Variants in NLGN1 observed in about 807,000 individuals in gnomAD.
The protein encoded by NLGN1 is neuroligin 1.
In NLGN1, 12 loss-of-function variants were observed where a neutral mutation model predicts 65.5. That is an observed-to-expected ratio of 0.18 (90% CI 0.12 to 0.30). NLGN1 has a LOEUF of 0.30. Among genes scored for constraint, NLGN1 ranks in the 10% least tolerant of loss-of-function variants. NLGN1 has a pLI of 1.00. For missense variants in NLGN1, 750 were observed against 1,007.1 expected, an observed-to-expected ratio of 0.74 and a Z score of 3.46; for synonymous variants, 350 against 359.5, an observed-to-expected ratio of 0.97 and a Z score of 0.30.
intron 2 of NLGN1, among the ~76,000 whole-genome samples, chr3:173,592,108 C>T (rs1245203347): frequency 6.6e-6 from 1 of 151,852 alleles, no homozygotes; most frequent in African/African-American, 2.4e-5. Context: ...TTGATTTTTG[C>T]CCCTCTTGCC....
chr3:173,874,847 T>C (rs1731823896), intron 4 of NLGN1, among the ~76,000 whole-genome samples: 1 of 152,160 alleles, frequency 6.6e-6, no homozygotes, highest in African/African-American at 2.4e-5. Flanking sequence ...ACTAGTGGTA[T>C]GTATTTGCAA....
At chr3:173,894,823 G>A (rs964598515) in intron 4 of NLGN1, among the ~76,000 whole-genome samples, 3 of 151,270 alleles carry the variant, frequency 2.0e-5, no homozygotes. Context: ...TTTTAGTAGA[G>A]ACAGGGTTTC....
intron 4 of NLGN1, among the ~76,000 whole-genome samples, chr3:174,194,060 T>C (rs925522826): frequency 6.7e-6 from 1 of 149,500 alleles, no homozygotes; most frequent in Admixed American, 6.8e-5. Flanking sequence ...CCTCCTCTAC[T>C]TATGTTATTT....
chr3:173,529,643 C>T (rs968419149), intron 2 of NLGN1, among the ~76,000 whole-genome samples: 2 of 152,164 alleles, frequency 1.3e-5, no homozygotes, highest in Non-Finnish European at 2.9e-5. Context: ...CTCTAGGCCA[C>T]AGTGCAGCTG....
At chr3:174,194,358 G>A (rs563816446) in intron 4 of NLGN1, among the ~76,000 whole-genome samples, 1 of 151,632 alleles carries the variant, frequency 6.6e-6, no homozygotes, top group African/African-American at 2.4e-5. Flanking sequence ...GCTGAGGCAG[G>A]ATAATCACTT....
At chr3:173,472,790 T>G (rs1340110805) in intron 2 of NLGN1, among the ~76,000 whole-genome samples, 3 of 152,168 alleles carry the variant, frequency 2.0e-5, no homozygotes, top group Non-Finnish European at 4.4e-5. Context: ...CTCAGCATTT[T>G]TCAATTGTCG....
At chr3:174,088,022 A>G (rs565477563) in intron 4 of NLGN1, among the ~76,000 whole-genome samples, 3 of 152,344 alleles carry the variant, frequency 2.0e-5, no homozygotes, top group African/African-American at 7.2e-5. Flanking sequence ...CATGGCATAT[A>G]TGCTATTATA....
chr3:174,018,012 C>A (rs1265582994), intron 4 of NLGN1, among the ~76,000 whole-genome samples: 2 of 152,136 alleles, frequency 1.3e-5, no homozygotes, highest in African/African-American at 4.8e-5. Context: ...CCCTTATCTG[C>A]AACCATAAAA....
At chr3:173,522,037 A>C (rs1006594134) in intron 2 of NLGN1, among the ~76,000 whole-genome samples, 7 of 152,192 alleles carry the variant, frequency 4.6e-5, no homozygotes, top group Admixed American at 1.3e-4. Context: ...ACTATAGCCT[A>C]ACTGTCACAG....
intron 3 of NLGN1, among the ~76,000 whole-genome samples, chr3:173,663,151 A>G (rs575667561): frequency 6.6e-6 from 1 of 152,142 alleles, no homozygotes; most frequent in African/African-American, 2.4e-5. Flanking sequence ...TAATAGTTAT[A>G]TGACTTCAGA....
intron 4 of NLGN1, among the ~76,000 whole-genome samples, chr3:174,146,748 A>G (rs1412480735): frequency 6.7e-6 from 1 of 150,074 alleles, no homozygotes; most frequent in African/African-American, 2.5e-5. Flanking sequence ...TTGTATTTTT[A>G]GTAGAGACGG....
At chr3:173,716,345 T>C (rs1217561422) in intron 3 of NLGN1, among the ~76,000 whole-genome samples, 2 of 152,190 alleles carry the variant, frequency 1.3e-5, no homozygotes, top group Admixed American at 1.3e-4. Context: ...TGTGTGTATA[T>C]ATACACATAA....
intron 4 of NLGN1, among the ~76,000 whole-genome samples, chr3:174,040,122 C>T (rs1731960788): frequency 6.6e-6 from 1 of 152,320 alleles, no homozygotes; most frequent in African/African-American, 2.4e-5. Flanking sequence ...TCTAATTTGA[C>T]ATACAGGTTG....
intron 2 of NLGN1, among the ~76,000 whole-genome samples, chr3:173,492,565 T>G (rs912754739): frequency 6.6e-6 from 1 of 151,884 alleles, no homozygotes; most frequent in Non-Finnish European, 1.5e-5. Context: ...GAAATTAGTG[T>G]GCATATATGT....
chr3:173,445,669 G>A (rs371471458), intron 2 of NLGN1, among the ~76,000 whole-genome samples: 1 of 152,182 alleles, frequency 6.6e-6, no homozygotes, highest in East Asian at 1.9e-4. Flanking sequence ...GCTTCAGATT[G>A]CTAAAACTTT....
chr3:173,872,567 A>G (rs1162319622), intron 4 of NLGN1, among the ~76,000 whole-genome samples: 1 of 152,162 alleles, frequency 6.6e-6, no homozygotes, highest in Non-Finnish European at 1.5e-5. Context: ...GTCTTTGTGC[A>G]TGCAAATGCC....
intron 1 of NLGN1, among the ~76,000 whole-genome samples, chr3:173,416,670 G>A (rs1713859532): frequency 1.3e-5 from 2 of 152,130 alleles, no homozygotes; most frequent in African/African-American, 4.8e-5. Context: ...TTCTTACTTA[G>A]ATATCATTCC....
At chr3:174,102,552 A>T (rs1479251253) in intron 4 of NLGN1, among the ~76,000 whole-genome samples, 1 of 152,192 alleles carries the variant, frequency 6.6e-6, no homozygotes, top group Non-Finnish European at 1.5e-5. Flanking sequence ...TGAGAGCCGT[A>T]TTCAAATGCT....
intron 4 of NLGN1, chr3:174,057,531 C>T (rs1175504911): frequency 6.6e-6 from 1 of 152,050 alleles, no homozygotes; most frequent in Non-Finnish European, 1.5e-5. Flanking sequence ...ATTTGAGAAA[C>T]AGCCCTACAT....
Sources: gnomAD v4.1 joint callset for allele counts (sites outside exome capture counted in the v4.1 genomes callset) on GRCh38, gnomAD v4.1.1 for gene constraint, MANE v1.5 for transcripts, NCBI Gene and HGNC (gene_info 2026-07-23, HGNC 2026-07-21) for gene names.